The following ADK variants were observed in gnomAD, a reference collection of about 807,000 sequenced individuals.
ADK encodes the protein adenosine kinase, also known as N6,N6-dimethyladenosine kinase.
Under a neutral mutation model 44.7 loss-of-function variants are expected in ADK, and 24 were observed. That is an observed-to-expected ratio of 0.54 (90% CI 0.39 to 0.76). The LOEUF (loss-of-function observed/expected upper bound fraction) is 0.76. Ranked by LOEUF, ADK falls within the 30% of genes least tolerant of loss-of-function variation. The pLI is 0.00. For synonymous variants in ADK, 128 were observed against 142.6 expected, an observed-to-expected ratio of 0.90 and a Z score of 0.73; for missense variants, 321 against 425.1, an observed-to-expected ratio of 0.76 and a Z score of 2.15.
At chr10:74,579,492 C>T (rs1331393232) in intron 7 of ADK, among the ~76,000 whole-genome samples, 1 of 152,102 alleles carries the variant, frequency 6.6e-6, no homozygotes, top group African/African-American at 2.4e-5. Context: ...AGGTATATAA[C>T]ATAAGAGTTT....
intron 7 of ADK, among the ~76,000 whole-genome samples, chr10:74,532,264 G>A (rs903933635): frequency 6.6e-6 from 1 of 152,108 alleles, no homozygotes; most frequent in Non-Finnish European, 1.5e-5. Flanking sequence ...GATTGGTGAG[G>A]GTCAGGAGTT....
chr10:74,630,100 A>G (rs1187429066), intron 9 of ADK, among the ~76,000 whole-genome samples: 1 of 152,158 alleles, frequency 6.6e-6, no homozygotes, highest in Admixed American at 6.5e-5. Flanking sequence ...TTGCAGCAAA[A>G]AAAAAGTTGT....
chr10:74,359,896 G>A (rs1223112628), intron 4 of ADK, among the ~76,000 whole-genome samples: 1 of 150,912 alleles, frequency 6.6e-6, no homozygotes, highest in Non-Finnish European at 1.5e-5. Context: ...TTATTTTTTT[G>A]TAGCTATTGT....
At chr10:74,659,661 C>T (rs1202196353) in intron 9 of ADK, among the ~76,000 whole-genome samples, 1 of 152,082 alleles carries the variant, frequency 6.6e-6, no homozygotes, top group Admixed American at 6.5e-5. Flanking sequence ...TCACAAGGTC[C>T]CACAATAGAC....
intron 2 of ADK, among the ~76,000 whole-genome samples, chr10:74,209,145 G>C (rs1036196018): frequency 4.6e-5 from 7 of 152,188 alleles, no homozygotes; most frequent in African/African-American, 1.4e-4. Flanking sequence ...CTTGGGGGTT[G>C]ACCAAGTTAT....
At chr10:74,487,322 T>TGATA (rs920780561) in intron 6 of ADK, among the ~76,000 whole-genome samples, 31 of 144,784 alleles carry the variant, frequency 2.1e-4, no homozygotes, top group African/African-American at 8.7e-4. Flanking sequence ...AATGAATGAT[T>TGATA]GATAGGGGAC....
At chr10:74,440,771 A>G (rs1314781673) in intron 6 of ADK, among the ~76,000 whole-genome samples, 2 of 152,114 alleles carry the variant, frequency 1.3e-5, no homozygotes, top group East Asian at 3.9e-4. Flanking sequence ...TTTTCCAAAG[A>G]GGGTTGAATA....
chr10:74,179,789 G>A (rs1842469524), intron 1 of ADK, among the ~76,000 whole-genome samples: 1 of 152,092 alleles, frequency 6.6e-6, no homozygotes, highest in Admixed American at 6.5e-5. Flanking sequence ...CTCTGTCTTT[G>A]GAATCGTCAT....
At chr10:74,655,353 CT>C in intron 9 of ADK, 1 of 412,554 alleles carries the variant, frequency 2.4e-6, no homozygotes, top group Non-Finnish European at 4.8e-6. Context: ...GACATGGGAC[CT>C]TCTCATATCG....
At chr10:74,509,817 A>G (rs887193932) in intron 6 of ADK, among the ~76,000 whole-genome samples, 1 of 152,050 alleles carries the variant, frequency 6.6e-6, no homozygotes, top group East Asian at 1.9e-4. Context: ...TCTTCTACTT[A>G]TGAGTGAAAA....
At chr10:74,495,862 A>T (rs939733256) in intron 6 of ADK, among the ~76,000 whole-genome samples, 1 of 152,134 alleles carries the variant, frequency 6.6e-6, no homozygotes, top group African/African-American at 2.4e-5. Context: ...TGAATTTTCC[A>T]AGGTTTGGAG....
chr10:74,322,177 A>G (rs1350649947), intron 4 of ADK, among the ~76,000 whole-genome samples: 1 of 152,228 alleles, frequency 6.6e-6, no homozygotes, highest in Non-Finnish European at 1.5e-5. Flanking sequence ...TATGAGACAT[A>G]CTTCTGTGCA....
intron 10 of ADK, among the ~76,000 whole-genome samples, chr10:74,704,834 G>A (rs1433043732): frequency 1.3e-5 from 2 of 152,280 alleles, no homozygotes; most frequent in East Asian, 3.9e-4. Context: ...TCTGAATTTG[G>A]CATCTGCTCC....
At chr10:74,288,439 C>G (rs1436449710) in intron 3 of ADK, among the ~76,000 whole-genome samples, 1 of 152,150 alleles carries the variant, frequency 6.6e-6, no homozygotes, top group East Asian at 1.9e-4. Context: ...CAGCTGAGAT[C>G]AGGAGTTCGA....
At chr10:74,391,144 A>AT (rs1843314936) in intron 4 of ADK, among the ~76,000 whole-genome samples, 1 of 152,172 alleles carries the variant, frequency 6.6e-6, no homozygotes, top group Non-Finnish European at 1.5e-5. Context: ...TTTGTTCCTT[A>AT]TAATTATTCC....
rs1441113382 is a variant in ADK, at chr10:74,556,635, AC to A, written c.726+31211del. Among the ~76,000 whole-genome samples the A allele has an allele frequency of 1.2e-4, 19 of 152,288 alleles. No homozygotes were observed. In the East Asian group the frequency reaches 2.9e-3, roughly 23 times the overall value. On this transcript the variant is annotated intron_variant, in intron 7 of 10. Coordinates refer to ENST00000539909, the MANE Select transcript of ADK (RefSeq NM_006721.4). Reference sequence around the variant, plus strand: ...TCTAAGTCTTACTGAGCAATTCTTAACCAATCTTAGCTTTTCTCCTACTGTC... The same window carrying A: ...TCTAAGTCTTACTGAGCAATTCTTAACAATCTTAGCTTTTCTCCTACTGTC...
intron 6 of ADK, among the ~76,000 whole-genome samples, chr10:74,456,607 C>T (rs1162491743): frequency 7.4e-6 from 1 of 135,456 alleles, no homozygotes; most frequent in Non-Finnish European, 1.5e-5. Context: ...GCGGAGCTTG[C>T]AGTGAGCCGA....
At chr10:74,544,046 A>G (rs1222594554) in intron 7 of ADK, among the ~76,000 whole-genome samples, 1 of 152,064 alleles carries the variant, frequency 6.6e-6, no homozygotes, top group Non-Finnish European at 1.5e-5. Flanking sequence ...CTCATTTCAT[A>G]TATTCCCTAC....
chr10:74,273,765 G>A (rs1297228871), intron 3 of ADK, among the ~76,000 whole-genome samples: 2 of 151,926 alleles, frequency 1.3e-5, no homozygotes, highest in Non-Finnish European at 1.5e-5. Context: ...GCCTCTCCCC[G>A]AATTTCTTTC....
Sources: gnomAD v4.1 joint callset for allele counts (sites outside exome capture counted in the v4.1 genomes callset) on GRCh38, gnomAD v4.1.1 for gene constraint, MANE v1.5 for transcripts, NCBI Gene and HGNC (gene_info 2026-07-23, HGNC 2026-07-21) for gene names.